The following NRG1 variants were observed in gnomAD, a reference collection of about 807,000 sequenced individuals.
The protein encoded by NRG1 is neuregulin 1.
NRG1 carries 18 observed loss-of-function variants against 63.8 expected under a neutral mutation model. That is an observed-to-expected ratio of 0.28 (90% CI 0.19 to 0.42). NRG1 has a LOEUF of 0.42. NRG1 is among the 10% of genes least tolerant of loss of function. NRG1 has a pLI of 1.00. For synonymous variants in NRG1, 302 were observed against 301.3 expected (o/e 1.00, Z -0.02); for missense variants, 762 against 814.7 (o/e 0.94, Z 0.79).
Position 32,498,358 on chromosome 8 carries a change from T to C in NRG1, c.38-97470T>C, listed in dbSNP as rs146083983. Among the ~76,000 whole-genome samples the C allele has an allele frequency of 7.2e-4, 109 of 152,276 alleles. 1 individual carries two copies. The East Asian group carries it at 0.018, about 25-fold the overall frequency. On this transcript the variant is annotated intron_variant, in intron 1 of 10. Coordinates refer to the NRG1 transcript ENST00000519301. Reference sequence around the variant, plus strand: ...GACATGCCCAAGACTGGGTAATTTATAAATGAAAAAGGTTTGACTCACAGT... The same window carrying C: ...GACATGCCCAAGACTGGGTAATTTACAAATGAAAAAGGTTTGACTCACAGT...
chr8:32,463,874 C>CTTTTTTTTTTTTTTTTTTTTT (rs756489856), intron 1 of NRG1, among the ~76,000 whole-genome samples: 5 of 42,356 alleles, frequency 1.2e-4, no homozygotes, highest in South Asian at 1.2e-3. Context: ...ACTTAGAATT[C>CTTTTTTTTTTTTTTTTTTTTT]TTTTTTTTTT....
At chr8:31,778,519 C>A (rs1465125992) in intron 1 of NRG1, among the ~76,000 whole-genome samples, 1 of 152,168 alleles carries the variant, frequency 6.6e-6, no homozygotes, top group African/African-American at 2.4e-5. Context: ...TTCCTCAGTT[C>A]CTGCTGTAGA....
chr8:32,067,188 C>T (rs1276878867), intron 1 of NRG1, among the ~76,000 whole-genome samples: 2 of 152,234 alleles, frequency 1.3e-5, no homozygotes, highest in East Asian at 1.9e-4. Flanking sequence ...ATTTCCTTCT[C>T]CTGTCTGATT....
At chr8:31,871,526 G>T (rs570553341) in intron 1 of NRG1, among the ~76,000 whole-genome samples, 1 of 151,978 alleles carries the variant, frequency 6.6e-6, no homozygotes, top group South Asian at 2.1e-4. Context: ...TGCCTGAGAG[G>T]GTCACTCCAC....
intron 5 of NRG1, among the ~76,000 whole-genome samples, chr8:32,676,328 G>T (rs530114682): frequency 2.6e-5 from 4 of 152,144 alleles, no homozygotes; most frequent in Non-Finnish European, 5.9e-5. Context: ...CCCCAGGGGG[G>T]CTTTGCACAC....
At chr8:32,375,166 A>G (rs1809460703) in intron 1 of NRG1, among the ~76,000 whole-genome samples, 1 of 150,994 alleles carries the variant, frequency 6.6e-6, no homozygotes, top group Non-Finnish European at 1.5e-5. Flanking sequence ...TTTTTTAGAG[A>G]TGAGGCCTTC....
intron 1 of NRG1, among the ~76,000 whole-genome samples, chr8:31,959,097 T>G (rs1274793079): frequency 1.3e-5 from 2 of 152,206 alleles, no homozygotes; most frequent in Non-Finnish European, 1.5e-5. Flanking sequence ...GTCTGAAGTA[T>G]CTGGTACAGA....
At chr8:31,789,483 T>C (rs1238721046) in intron 1 of NRG1, among the ~76,000 whole-genome samples, 1 of 152,184 alleles carries the variant, frequency 6.6e-6, no homozygotes, top group Non-Finnish European at 1.5e-5. Flanking sequence ...TAAAATTATA[T>C]AACTGCCCAG....
chr8:32,615,051 C>CTGACA (rs5890668), intron 4 of NRG1, among the ~76,000 whole-genome samples: 96,739 of 151,178 alleles, frequency 0.64, 32,112 homozygotes, highest in African/African-American at 0.8. Context: ...GACTTACAGC[C>CTGACA]TTTAAAAATG....
intron 1 of NRG1, among the ~76,000 whole-genome samples, chr8:31,905,254 G>A (rs1314806355): frequency 1.3e-5 from 2 of 152,074 alleles, no homozygotes; most frequent in Admixed American, 6.5e-5. Context: ...CCACAAACAA[G>A]CCTGTTTGAC....
intron 1 of NRG1, among the ~76,000 whole-genome samples, chr8:31,690,697 T>C (rs1040018106): frequency 6.6e-6 from 1 of 152,058 alleles, no homozygotes; most frequent in Non-Finnish European, 1.5e-5. Context: ...GACAGGTTGG[T>C]TGTGGGATAT....
At chr8:32,601,507 TTTTTCCTGTAAGACTTAG>T (rs1210843872) in intron 2 of NRG1, among the ~76,000 whole-genome samples, 4 of 152,140 alleles carry the variant, frequency 2.6e-5, no homozygotes, top group Non-Finnish European at 5.9e-5. Flanking sequence ...ACATGTTTCC[TTTTTCCTGTAAGACTTAG>T]TTTTCCTGTA....
At chr8:31,956,040 C>CAAAAAAAAAA (rs11386219) in intron 1 of NRG1, among the ~76,000 whole-genome samples, 10 of 128,002 alleles carry the variant, frequency 7.8e-5, no homozygotes, top group African/African-American at 3.6e-4. Context: ...GAACCTGTCT[C>CAAAAAAAAAA]AAAAAAAAAA....
intron 1 of NRG1, among the ~76,000 whole-genome samples, chr8:31,945,549 G>A (rs1802411833): frequency 1.3e-5 from 2 of 152,144 alleles, no homozygotes; most frequent in South Asian, 4.1e-4. Context: ...TTACTGTGAT[G>A]TCTTGCCATC....
chr8:32,445,231 T>C (rs904594545), intron 1 of NRG1, among the ~76,000 whole-genome samples: 1 of 152,244 alleles, frequency 6.6e-6, no homozygotes, highest in African/African-American at 2.4e-5. Context: ...AGATTACTTA[T>C]AATACCTAGA....
At chr8:32,303,923 CAATT>C (rs1417043079) in intron 1 of NRG1, among the ~76,000 whole-genome samples, 2 of 152,072 alleles carry the variant, frequency 1.3e-5, no homozygotes, top group Non-Finnish European at 2.9e-5. Flanking sequence ...GATAGTCTCT[CAATT>C]AAAATAAAAG....
chr8:31,893,396 A>G (rs1213798758), intron 1 of NRG1, among the ~76,000 whole-genome samples: 1 of 151,560 alleles, frequency 6.6e-6, no homozygotes, highest in Non-Finnish European at 1.5e-5. Flanking sequence ...GAGTGAAGGA[A>G]ATCAGTTAAA....
At chr8:32,627,329 C>T (rs1849475636) in intron 5 of NRG1, among the ~76,000 whole-genome samples, 2 of 152,106 alleles carry the variant, frequency 1.3e-5, no homozygotes, top group Admixed American at 6.5e-5. Context: ...TTTAGAAAAA[C>T]ATGACTATAG....
intron 1 of NRG1, among the ~76,000 whole-genome samples, chr8:32,250,698 T>A (rs1849010091): frequency 6.7e-6 from 1 of 150,266 alleles, no homozygotes; most frequent in Non-Finnish European, 1.5e-5. Flanking sequence ...TAGTGTAGTT[T>A]CTGTGGTTTT....
Sources: allele counts gnomAD v4.1 joint callset (sites outside exome capture counted in the v4.1 genomes callset), GRCh38; gene constraint gnomAD v4.1.1; transcripts MANE v1.5; gene names NCBI Gene and HGNC (gene_info 2026-07-23, HGNC 2026-07-21).